Variants in TNFRSF9 observed in about 807,000 individuals in gnomAD.
The protein encoded by TNFRSF9 is TNF receptor superfamily member 9.
A neutral mutation model predicts 28.8 loss-of-function variants in TNFRSF9; 16 were observed. That is an observed-to-expected ratio of 0.55 (90% CI 0.38 to 0.84). The LOEUF (loss-of-function observed/expected upper bound fraction) is 0.84. Ranked by LOEUF, TNFRSF9 falls within the 40% of genes least tolerant of loss-of-function variation. TNFRSF9 has a pLI of 0.00. For missense variants in TNFRSF9, 303 were observed against 315.0 expected, an observed-to-expected ratio of 0.96 and a Z score of 0.29; for synonymous variants, 131 against 117.0, an observed-to-expected ratio of 1.12 and a Z score of -0.77.
At chr1:7,933,351 A>G in intron 6 of TNFRSF9, 55 bp from the exon 7 acceptor site, 1 of 1,554,500 alleles carries the variant, frequency 6.4e-7, no homozygotes. Context: ...ACACTCATAC[A>G]CCCATGTATA....
At position 7,920,709 on chromosome 1, in the gene TNFRSF9, G is replaced by C; in HGVS notation, c.*126C>G. On this transcript the variant is annotated 3_prime_UTR_variant, in exon 8 of 8. Coordinates refer to ENST00000377507, the MANE Select transcript of TNFRSF9 (RefSeq NM_001561.6). ...AACTCATTGGCATTTAGAAAAGAAC[G>C]TGTGTTGGGGGAATCCTGGGTATTA... 2 of 745,148 alleles carry C rather than the reference G, an allele frequency of 2.7e-6. No homozygotes were observed. Among genetic ancestry groups the C allele is most frequent in the Admixed American group, 4.9e-5 (2 of 40,440 alleles). The allele number at this position is 745,148 out of a possible 1,614,324, so 46.2% of individuals were successfully genotyped here. A position where few individuals can be genotyped will look rare whatever the true frequency, so the allele number is the denominator to read the frequency against.
intron 7 of TNFRSF9, among the ~76,000 whole-genome samples, chr1:7,921,530 G>A (rs1008476604): frequency 3.3e-5 from 5 of 151,826 alleles, no homozygotes; most frequent in Non-Finnish European, 5.9e-5. Flanking sequence ...TTAGCTGGGC[G>A]TGGTGGTGGG....
At chr1:7,921,424 T>C (rs1046597517) in intron 7 of TNFRSF9, among the ~76,000 whole-genome samples, 1 of 151,566 alleles carries the variant, frequency 6.6e-6, no homozygotes, top group African/African-American at 2.4e-5. Context: ...TCCCAGCACT[T>C]TGGGAGGCTG....
rs543185072 is a variant in TNFRSF9, at chr1:7,920,935, A to T, written c.680-12T>A. The T allele has an allele frequency of 2.1e-5, 33 of 1,570,306 alleles. No homozygotes were observed. In the Admixed American group the frequency reaches 2.9e-4, roughly 14 times the overall value. On this transcript the variant is annotated splice_polypyrimidine_tract_variant and intron_variant, in intron 7 of 7. Coordinates refer to ENST00000377507, the MANE Select transcript of TNFRSF9 (RefSeq NM_001561.6). ...TGGTCTCATAAATGCTAAAAAAAAA[A>T]TTTTAAGATACGTATATTTTGTTGT... is the stretch of plus-strand genomic sequence containing the variant.
rs1221350026 is a variant in TNFRSF9, at chr1:7,920,612, C to A, written c.*223G>T. 2.2e-6 allele frequency: 1 copy of A among 460,730 alleles called. No homozygotes were observed. Among genetic ancestry groups the A allele is most frequent in the African/African-American group, 2.0e-5 (1 of 49,288 alleles). The allele number at this position is 460,730 out of a possible 1,614,324, so 28.5% of individuals were successfully genotyped here. On this transcript the variant is annotated 3_prime_UTR_variant, in exon 8 of 8. Coordinates refer to ENST00000377507, the MANE Select transcript of TNFRSF9 (RefSeq NM_001561.6). The stretch of plus-strand genomic sequence containing the variant: ...GCTGCAGAGAGCCATGGTGGTGCCA[C>A]TGCACTCCAGCCTGGGTGACAGAGT...
intron 7 of TNFRSF9, among the ~76,000 whole-genome samples, chr1:7,923,856 T>C (rs975834263): frequency 1.3e-5 from 2 of 152,032 alleles, no homozygotes; most frequent in Non-Finnish European, 2.9e-5. Context: ...AAAATTTTTT[T>C]TTTACTTAGG....
rs559432073 is a variant in TNFRSF9, at chr1:7,917,635, T to C, written c.*3200A>G. On this transcript the variant is annotated 3_prime_UTR_variant, in exon 8 of 8. Transcript: ENST00000377507. ...TTTATAGTATTGGGCAGAAAAGGAT[T>C]TCTTTAGCCAGGCAAGAAAAAATGT... The C allele has an allele frequency of 1.3e-5, 2 of 152,290 alleles. No individual in the cohort carries two copies. The highest frequency in any genetic ancestry group is 2.9e-5 in the Non-Finnish European group (2 of 68,026). 9.4% of individuals were successfully genotyped at this position (152,290 alleles called of 1,614,324 possible).
intron 4 of TNFRSF9, 126 bp downstream of exon 4, chr1:7,938,067 A>G: frequency 1.4e-6 from 1 of 717,822 alleles, no homozygotes; most frequent in Non-Finnish European, 2.1e-6. Flanking sequence ...AAAATATGAT[A>G]TATCATATAC....
At chr1:7,940,306 T>C (rs1639883124) in intron 1 of TNFRSF9, among the ~76,000 whole-genome samples, 1 of 152,184 alleles carries the variant, frequency 6.6e-6, no homozygotes, top group Non-Finnish European at 1.5e-5. Context: ...AGGGTGCATT[T>C]TCCATCATGT....
chr1:7,939,813 G>T, intron 2 of TNFRSF9, 82 bp downstream of exon 2: 1 of 991,772 alleles, frequency 1.0e-6, no homozygotes, highest in Non-Finnish European at 1.5e-6. Flanking sequence ...TTAAAAGGGA[G>T]CTCGTTAGCC....
At chr1:7,940,198 TG>T in intron 1 of TNFRSF9, 120 bp from the exon 2 acceptor site, 1 of 406,210 alleles carries the variant, frequency 2.5e-6, no homozygotes, top group Non-Finnish European at 4.5e-6. Context: ...GAACAATTAA[TG>T]ATGCAATATT....
In TNFRSF9 at chr1:7,920,935, ATTTT is replaced by A; in HGVS notation, c.680-16_680-13del. ...TGGTCTCATAAATGCTAAAAAAAAAATTTTAAGATACGTATATTTTGTTGTCTAT... is the reference window on the plus strand; with the variant it reads ...TGGTCTCATAAATGCTAAAAAAAAAAAAGATACGTATATTTTGTTGTCTAT... On this transcript the variant is annotated splice_polypyrimidine_tract_variant and intron_variant, in intron 7 of 7. Transcript: ENST00000377507. 1 of 1,570,310 alleles carries A rather than the reference ATTTT, an allele frequency of 6.4e-7. No homozygotes were observed. Among genetic ancestry groups the A allele is most frequent in the Non-Finnish European group, 8.7e-7 (1 of 1,143,196 alleles).
rs1444941391 is a variant in TNFRSF9, at chr1:7,920,595, G to A, written c.*240C>T. On this transcript the variant is annotated 3_prime_UTR_variant, in exon 8 of 8. Transcript: ENST00000377507. ...AGCTCCCAGAGGTCAAGGCTGCAGA[G>A]AGCCATGGTGGTGCCACTGCACTCC... The A allele has an allele frequency of 4.6e-6, 2 of 434,284 alleles. No homozygotes were observed. The highest frequency in any genetic ancestry group is 4.4e-5 in the East Asian group (1 of 22,590). 26.9% of individuals were successfully genotyped at this position (434,284 alleles called of 1,614,324 possible).
Position 7,933,148 on chromosome 1 carries a change from T to A in TNFRSF9, c.679+14A>T. ...TGCCTTGCCAGAGCTGTAATATGAT[T>A]ATGTTAATCTTACGTTGTTTGAATA... On this transcript the variant is annotated intron_variant, in intron 7 of 7. Transcript: ENST00000377507. The A allele has an allele frequency of 6.3e-7, 1 of 1,593,664 alleles. No individual in the cohort carries two copies. The highest frequency in any genetic ancestry group is 8.5e-7 in the Non-Finnish European group (1 of 1,170,742).
Position 7,938,714 on chromosome 1 carries a change from C to A in TNFRSF9, c.208+7G>T. On this transcript the variant is annotated splice_region_variant and intron_variant, in intron 3 of 7. Coordinates refer to ENST00000377507, the MANE Select transcript of TNFRSF9 (RefSeq NM_001561.6). ...TCTAGAAGAAGAAAATATCTTTGAACTCATACCTTTACACTGCCTGCATAT... is the reference window on the plus strand; with the variant it reads ...TCTAGAAGAAGAAAATATCTTTGAAATCATACCTTTACACTGCCTGCATAT... 1 of 1,589,064 alleles carries A rather than the reference C, an allele frequency of 6.3e-7. No homozygotes were observed. The highest frequency in any genetic ancestry group is 8.6e-7 in the Non-Finnish European group (1 of 1,161,094).
chr1:7,924,294 C>CATATGTATATATAT lies in TNFRSF9; in HGVS notation c.680-3372_680-3371insATATATATACATAT, dbSNP rs1238435280. Reference sequence around the variant, plus strand: ...TTTATAGTTATTTCATAGTATATTCCATATATATATATATATATATATATA... The same window carrying CATATGTATATATAT: ...TTTATAGTTATTTCATAGTATATTCCATATGTATATATATATATATATATATATATATATATATA... On this transcript the variant is annotated intron_variant, in intron 7 of 7. Coordinates refer to ENST00000377507, the MANE Select transcript of TNFRSF9 (RefSeq NM_001561.6). Among the ~76,000 whole-genome samples, 99 of 130,016 alleles carry CATATGTATATATAT rather than the reference C, an allele frequency of 7.6e-4. 1 individual carries two copies. Among genetic ancestry groups the CATATGTATATATAT allele is most frequent in the African/African-American group, 2.7e-3 (95 of 35,084 alleles). The allele number at this position is 130,016 out of a possible 152,430, so 85.3% of individuals were successfully genotyped here.
chr1:7,932,684 C>T (rs957059671), intron 7 of TNFRSF9, among the ~76,000 whole-genome samples: 5 of 150,420 alleles, frequency 3.3e-5, no homozygotes, highest in African/African-American at 5.0e-5. Flanking sequence ...CACACACGCA[C>T]GCACGCGCAC....
chr1:7,925,076 G>T (rs1639624560), intron 7 of TNFRSF9, among the ~76,000 whole-genome samples: 1 of 152,072 alleles, frequency 6.6e-6, no homozygotes, highest in Non-Finnish European at 1.5e-5. Flanking sequence ...CACTTTGGGA[G>T]GCCGAGGTGG....
intron 7 of TNFRSF9, among the ~76,000 whole-genome samples, chr1:7,929,967 C>CTTT (rs56299901): frequency 0.074 from 8,391 of 113,000 alleles, 1,079 homozygotes; most frequent in East Asian, 0.48. Context: ...GACCTAAAAC[C>CTTT]TTTTTTTTTT....
Sources: gnomAD v4.1 joint callset for allele counts (sites outside exome capture counted in the v4.1 genomes callset) on GRCh38, gnomAD v4.1.1 for gene constraint, MANE v1.5 for transcripts, NCBI Gene and HGNC (gene_info 2026-07-23, HGNC 2026-07-21) for gene names.